The following ZDHHC14 variants were observed in gnomAD, a reference collection of about 807,000 sequenced individuals.
The protein encoded by ZDHHC14 is palmitoyltransferase ZDHHC14.
Under a neutral mutation model 47.7 loss-of-function variants are expected in ZDHHC14, and 16 were observed. The ratio of observed to expected loss-of-function variants is 0.34; its 90% CI spans 0.23 to 0.51. The LOEUF is 0.51. Among genes scored for constraint, ZDHHC14 ranks in the 20% least tolerant of loss-of-function variants. The probability of loss-of-function intolerance (pLI) is 0.97; values close to 1 mark genes in which losing one functional copy is unlikely to be tolerated. For synonymous variants in ZDHHC14, 293 were observed against 278.9 expected (o/e 1.05, Z -0.50); for missense variants, 515 against 662.5 (o/e 0.78, Z 2.44).
chr6:157,552,960 G>A (rs1035914817), intron 2 of ZDHHC14, among the ~76,000 whole-genome samples: 1 of 152,204 alleles, frequency 6.6e-6, no homozygotes, highest in Non-Finnish European at 1.5e-5. Flanking sequence ...GTTAAAACAT[G>A]AAGGCAGACT....
intron 1 of ZDHHC14, among the ~76,000 whole-genome samples, chr6:157,428,245 G>T (rs1353814191): frequency 6.6e-6 from 1 of 152,134 alleles, no homozygotes; most frequent in Non-Finnish European, 1.5e-5. Flanking sequence ...ACACACCACA[G>T]AGACCCTGCC....
chr6:157,522,945 C>CTTT, intron 1 of ZDHHC14, among the ~76,000 whole-genome samples: 7 of 52,820 alleles, frequency 1.3e-4, no homozygotes, highest in African/African-American at 8.7e-4. Context: ...TTCTTTCTTT[C>CTTT]CTTCCTTCCT....
intron 5 of ZDHHC14, among the ~76,000 whole-genome samples, chr6:157,641,807 C>G (rs767815909): frequency 1.3e-5 from 2 of 152,060 alleles, no homozygotes; most frequent in East Asian, 1.9e-4. Flanking sequence ...GTGTTTCTTA[C>G]GTTTGGTGCA....
In ZDHHC14 at chr6:157,549,217, TC is replaced by T. The variant is rs370159314; in HGVS notation, c.406+6476del. Among the ~76,000 whole-genome samples, 6 of 152,312 alleles carry T rather than the reference TC, an allele frequency of 3.9e-5. No individual in the cohort carries two copies. In the East Asian group the frequency reaches 9.6e-4, roughly 24 times the overall value. ...CCCTTCCCATGGACCACATCCTCTC[TC>T]CCCGGTACAGCCTCGAGCTTCGAAA... is the stretch of plus-strand genomic sequence containing the variant. On this transcript the variant is annotated intron_variant, in intron 2 of 8. Transcript: ENST00000359775.
At chr6:157,551,416 G>A (rs764690141) in intron 2 of ZDHHC14, among the ~76,000 whole-genome samples, 21 of 152,168 alleles carry the variant, frequency 1.4e-4, no homozygotes, top group Admixed American at 1.1e-3. Flanking sequence ...CCTGGCATGG[G>A]GTCTGGTTCC....
chr6:157,576,894 G>T (rs1783328067), intron 2 of ZDHHC14, among the ~76,000 whole-genome samples: 1 of 152,152 alleles, frequency 6.6e-6, no homozygotes, highest in South Asian at 2.1e-4. Flanking sequence ...TTTGGGTTCA[G>T]GGGTACATGT....
intron 1 of ZDHHC14, among the ~76,000 whole-genome samples, chr6:157,515,468 T>C (rs868231484): frequency 0.054 from 7,885 of 146,788 alleles, 488 homozygotes; most frequent in African/African-American, 0.15. Context: ...TTTTTTTTTT[T>C]TTTTTTTTTT....
intron 1 of ZDHHC14, among the ~76,000 whole-genome samples, chr6:157,433,055 C>T (rs1477877888): frequency 6.6e-6 from 1 of 152,234 alleles, no homozygotes; most frequent in East Asian, 1.9e-4. Flanking sequence ...CGCCCAAGAG[C>T]GGTGTGCCTG....
intron 1 of ZDHHC14, among the ~76,000 whole-genome samples, chr6:157,525,652 G>A (rs1221493723): frequency 6.6e-6 from 1 of 152,216 alleles, no homozygotes; most frequent in East Asian, 1.9e-4. Flanking sequence ...AGGCGAGTGT[G>A]AAAACCAGGA....
At chr6:157,430,577 C>A (rs150532097) in intron 1 of ZDHHC14, among the ~76,000 whole-genome samples, 3 of 152,294 alleles carry the variant, frequency 2.0e-5, no homozygotes, top group Non-Finnish European at 4.4e-5. Flanking sequence ...CTGGTCCTCT[C>A]TTCCAACTTT....
intron 5 of ZDHHC14, among the ~76,000 whole-genome samples, chr6:157,642,313 G>T (rs920449625): frequency 6.6e-6 from 1 of 152,116 alleles, no homozygotes; most frequent in Non-Finnish European, 1.5e-5. Context: ...GCTGCAAACA[G>T]AGCCCCTATT....
At chr6:157,637,111 AT>A (rs1351476471) in intron 5 of ZDHHC14, among the ~76,000 whole-genome samples, 1 of 152,216 alleles carries the variant, frequency 6.6e-6, no homozygotes, top group African/African-American at 2.4e-5. Context: ...AGTTCTGGTT[AT>A]TAGAGAACCA....
At chr6:157,644,466 G>A (rs752319937) in intron 5 of ZDHHC14, among the ~76,000 whole-genome samples, 3 of 152,228 alleles carry the variant, frequency 2.0e-5, no homozygotes, top group Admixed American at 6.5e-5. Context: ...CCCCGCTACC[G>A]TCTCCTTCTA....
At chr6:157,497,186 C>T (rs562589837) in intron 1 of ZDHHC14, among the ~76,000 whole-genome samples, 69 of 152,258 alleles carry the variant, frequency 4.5e-4, no homozygotes, top group Non-Finnish European at 7.8e-4. Context: ...TGGACAGTGA[C>T]TATGGTGACT....
At chr6:157,388,494 T>G (rs1777361755) in intron 1 of ZDHHC14, among the ~76,000 whole-genome samples, 1 of 152,198 alleles carries the variant, frequency 6.6e-6, no homozygotes, top group Non-Finnish European at 1.5e-5. Context: ...AGTGCATTTG[T>G]TATTTTATAG....
intron 2 of ZDHHC14, among the ~76,000 whole-genome samples, chr6:157,546,109 T>C (rs939124500): frequency 6.6e-6 from 1 of 152,246 alleles, no homozygotes; most frequent in Non-Finnish European, 1.5e-5. Context: ...TTGGGACCGC[T>C]GCCTGCCAGC....
intron 1 of ZDHHC14, among the ~76,000 whole-genome samples, chr6:157,398,799 A>T (rs1466583396): frequency 6.6e-6 from 1 of 152,260 alleles, no homozygotes; most frequent in Non-Finnish European, 1.5e-5. Flanking sequence ...TTCTGTCGTT[A>T]TAATGACTCC....
chr6:157,479,236 T>A (rs1055908658), intron 1 of ZDHHC14, among the ~76,000 whole-genome samples: 1 of 152,234 alleles, frequency 6.6e-6, no homozygotes, highest in Non-Finnish European at 1.5e-5. Context: ...AGTACTTACC[T>A]CATAGGAGTG....
At chr6:157,570,825 A>C (rs1783073118) in intron 2 of ZDHHC14, among the ~76,000 whole-genome samples, 1 of 151,932 alleles carries the variant, frequency 6.6e-6, no homozygotes, top group African/African-American at 2.4e-5. Flanking sequence ...ACATATATAT[A>C]TATATACACA....
Sources: allele counts gnomAD v4.1 joint callset (sites outside exome capture counted in the v4.1 genomes callset), GRCh38; gene constraint gnomAD v4.1.1; transcripts MANE v1.5; gene names NCBI Gene and HGNC (gene_info 2026-07-23, HGNC 2026-07-21).